The following CRYGS variants were observed in gnomAD, a reference collection of about 807,000 sequenced individuals.
CRYGS encodes the protein crystallin gamma S, also known as gamma-crystallin S.
Under a neutral mutation model 21.3 loss-of-function variants are expected in CRYGS, and 13 were observed. The observed-to-expected ratio is 0.61, with a 90% CI of 0.40 to 0.97. The LOEUF is 0.97. Ranked by LOEUF, CRYGS falls within the 50% of genes least tolerant of loss-of-function variation. CRYGS has a pLI of 0.00. For synonymous variants in CRYGS, 67 were observed against 75.0 expected (o/e 0.89, Z 0.55); for missense variants, 205 against 229.7 (o/e 0.89, Z 0.69).
Position 186,538,518 on chromosome 3 carries a change from G to C in CRYGS, c.*178C>G. 1.4e-6 allele frequency: 1 copy of C among 708,776 alleles called. No individual in the cohort carries two copies. Among genetic ancestry groups the C allele is most frequent in the South Asian group, 1.8e-5 (1 of 56,098 alleles). 43.9% of individuals were successfully genotyped at this position (708,776 alleles called of 1,614,324 possible). A position where few individuals can be genotyped will look rare whatever the true frequency, so the allele number is the denominator to read the frequency against. ...AGATTGGTGATCTGGCAGATGGGTA[G>C]CTTTGTGTGACTGCCCACTGTGGCG... On this transcript the variant is annotated 3_prime_UTR_variant, in exon 3 of 3. Coordinates refer to ENST00000307944, the MANE Select transcript of CRYGS (RefSeq NM_017541.4).
At chr3:186,541,389 A>T (rs1312051605) in intron 1 of CRYGS, among the ~76,000 whole-genome samples, 1 of 151,998 alleles carries the variant, frequency 6.6e-6, no homozygotes, top group Non-Finnish European at 1.5e-5. Context: ...CCCCTGCCCA[A>T]ATTTCTTTAT....
At chr3:186,539,846 T>C (rs1714017968) in intron 1 of CRYGS, 4 of 461,894 alleles carry the variant, frequency 8.7e-6, no homozygotes, top group Non-Finnish European at 1.6e-5. Flanking sequence ...AAGTGAGCAG[T>C]CTCAGACTCA....
In CRYGS at chr3:186,539,612, C is replaced by T; in HGVS notation, c.22-15G>A. 1 of 1,613,978 alleles carries T rather than the reference C, an allele frequency of 6.2e-7. No individual in the cohort carries two copies. Among genetic ancestry groups the T allele is most frequent in the South Asian group, 1.1e-5 (1 of 91,040 alleles). On this transcript the variant is annotated splice_polypyrimidine_tract_variant and intron_variant, in intron 1 of 2. Coordinates refer to ENST00000307944, the MANE Select transcript of CRYGS (RefSeq NM_017541.4). ...TAGAAAGTAATCTGAAGTAGAGGGCCAACAGAGAAAGAGCTGAGGAGCTGG... is the reference window on the plus strand; with the variant it reads ...TAGAAAGTAATCTGAAGTAGAGGGCTAACAGAGAAAGAGCTGAGGAGCTGG...
chr3:186,540,966 C>T (rs1714051190), intron 1 of CRYGS, among the ~76,000 whole-genome samples: 1 of 152,154 alleles, frequency 6.6e-6, no homozygotes. Context: ...AGAAAAATGA[C>T]ACCAGAATCA....
In CRYGS at chr3:186,538,536, C is replaced by A; in HGVS notation, c.*160G>T. On this transcript the variant is annotated 3_prime_UTR_variant, in exon 3 of 3. Transcript: ENST00000307944. ...ATGGGTAGCTTTGTGTGACTGCCCACTGTGGCGAGCACTGTATTGCTGGTC... is the reference window on the plus strand; with the variant it reads ...ATGGGTAGCTTTGTGTGACTGCCCAATGTGGCGAGCACTGTATTGCTGGTC... 2 of 845,686 alleles carry A rather than the reference C, an allele frequency of 2.4e-6. No homozygotes were observed. The highest frequency in any genetic ancestry group is 3.7e-6 in the Non-Finnish European group (2 of 538,996). 52.4% of individuals were successfully genotyped at this position (845,686 alleles called of 1,614,324 possible). A position where few individuals can be genotyped will look rare whatever the true frequency, so the allele number is the denominator to read the frequency against.
At position 186,539,551 on chromosome 3, in the gene CRYGS, C is replaced by T. The variant is rs1455435198; in HGVS notation, c.68G>A (p.Cys23Tyr). ...GTGGAAATCTGCACAGTCGCAATCA[C>T]AGTCATAGCGACGGCCTTGAAAATT... is the stretch of plus-strand genomic sequence containing the variant. Reference protein sequence around the residue: ...DKNFQGRRYDCDCDCADFHTY... With the variant: ...DKNFQGRRYDYDCDCADFHTY... The change falls in exon 2 of 3, where the codon TGT (cysteine) becomes TAT (tyrosine). Residue 23 changes from cysteine (C) to tyrosine (Y), a missense_variant. Transcript: ENST00000307944. The T allele has an allele frequency of 2.5e-6, 4 of 1,614,012 alleles. No individual in the cohort carries two copies. In the African/African-American group the frequency reaches 5.3e-5, roughly 22 times the overall value.
At chr3:186,542,625 CAA>C (rs1211420676) in intron 1 of CRYGS, among the ~76,000 whole-genome samples, 1 of 152,052 alleles carries the variant, frequency 6.6e-6, no homozygotes. Context: ...AAACTGCTAT[CAA>C]GATAGTGGGA....
At chr3:186,542,957 A>C (rs1714103405) in intron 1 of CRYGS, among the ~76,000 whole-genome samples, 1 of 152,188 alleles carries the variant, frequency 6.6e-6, no homozygotes, top group East Asian at 1.9e-4. Flanking sequence ...CATGATTATT[A>C]GTTCTATTTT....
In CRYGS at chr3:186,538,512, T is replaced by C. The variant is rs1321403316; in HGVS notation, c.*184A>G. ...AGATCTAGATTGGTGATCTGGCAGA[T>C]GGGTAGCTTTGTGTGACTGCCCACT... On this transcript the variant is annotated 3_prime_UTR_variant, in exon 3 of 3. Transcript: ENST00000307944. 2 of 670,426 alleles carry C rather than the reference T, an allele frequency of 3.0e-6. No individual in the cohort carries two copies. Among genetic ancestry groups the C allele is most frequent in the Non-Finnish European group, 5.1e-6 (2 of 393,758 alleles). The allele number at this position is 670,426 out of a possible 1,614,324, so 41.5% of individuals were successfully genotyped here. A position where few individuals can be genotyped will look rare whatever the true frequency, so the allele number is the denominator to read the frequency against.
Position 186,538,806 on chromosome 3 carries a change from G to T in CRYGS, c.427C>A (p.Pro143Thr). The T allele has an allele frequency of 6.2e-7, 1 of 1,614,106 alleles. No homozygotes were observed. Among genetic ancestry groups the T allele is most frequent in the Non-Finnish European group, 8.5e-7 (1 of 1,180,010 alleles). The change falls in exon 3 of 3, where the codon CCC (proline) becomes ACC (threonine). Residue 143 changes from proline to threonine, a missense_variant. Pro to Thr is a conservative substitution (Grantham distance 38). Coordinates refer to ENST00000307944, the MANE Select transcript of CRYGS (RefSeq NM_017541.4). ...AGGTACTGCCTGCCACGGTAGTTGG[G>T]TAGCTCATAGAAAATCCAGACACCC... is the stretch of plus-strand genomic sequence containing the variant. ...LEGVWIFYEL[P>T]NYRGRQYLLD...
At chr3:186,541,952 G>C (rs1309556125) in intron 1 of CRYGS, among the ~76,000 whole-genome samples, 1 of 152,152 alleles carries the variant, frequency 6.6e-6, no homozygotes, top group African/African-American at 2.4e-5. Flanking sequence ...CTCTAAGAAT[G>C]GATAGATTCT....
intron 2 of CRYGS, 66 bp from the exon 3 acceptor site, chr3:186,539,034 GAGAACAGTATTGCTC>G (rs1453012062): frequency 6.4e-7 from 1 of 1,567,808 alleles, no homozygotes; most frequent in African/African-American, 1.4e-5. Flanking sequence ...CAAGAACTTA[GAGAACAGTATTGCTC>G]AGAACTTATC....
chr3:186,539,734 C>T lies in CRYGS; in HGVS notation c.22-137G>A, dbSNP rs947649823. The T allele has an allele frequency of 3.2e-5, 31 of 983,472 alleles. No homozygotes were observed. In the African/African-American group the frequency reaches 4.8e-4, roughly 15 times the overall value. The allele number at this position is 983,472 out of a possible 1,614,324, so 60.9% of individuals were successfully genotyped here. A position where few individuals can be genotyped will look rare whatever the true frequency, so the allele number is the denominator to read the frequency against. On this transcript the variant is annotated intron_variant, in intron 1 of 2. Transcript: ENST00000307944. ...GGAAAAATATGTAGCTGTACGTCAC[C>T]TTACAACATTGCTTTCTGACAGACA... is the stretch of plus-strand genomic sequence containing the variant.
rs769507700 is a variant in CRYGS, at chr3:186,538,713, G to A, written c.520C>T (p.Arg174Cys). ...GAASPAVQSF[R>C]RIVE The stretch of plus-strand genomic sequence containing the variant: ...TCATGTCATTACTCCACAATGCGGC[G>A]GAAAGACTGGACAGCTGGGGAGGCT... Residue 174 changes from arginine to cysteine, a missense_variant, in exon 3 of 3, where the codon CGC becomes TGC. Transcript: ENST00000307944. 2.0e-5 allele frequency: 33 copies of A among 1,614,050 alleles called. No individual in the cohort carries two copies. The highest frequency in any genetic ancestry group is 1.6e-4 in the East Asian group (7 of 44,904).
chr3:186,540,970 A>G (rs1309693675), intron 1 of CRYGS, among the ~76,000 whole-genome samples: 4 of 152,220 alleles, frequency 2.6e-5, no homozygotes, highest in Non-Finnish European at 1.5e-5. Flanking sequence ...AAATGACACC[A>G]GAATCATGCT....
Position 186,539,544 on chromosome 3 carries a change from G to T in CRYGS, c.75C>A (p.Cys25Ter). The T allele has an allele frequency of 6.2e-6, 10 of 1,614,044 alleles. No homozygotes were observed. Among genetic ancestry groups the T allele is most frequent in the South Asian group, 1.1e-5 (1 of 91,076 alleles). The change falls in exon 2 of 3, where the codon TGC becomes TGA. Residue 25 changes from cysteine (C) to a stop codon, truncating the protein, a stop_gained. Coordinates refer to ENST00000307944, the MANE Select transcript of CRYGS (RefSeq NM_017541.4). LOFTEE classifies it high-confidence loss of function. ...GGTATGTGTGGAAATCTGCACAGTC[G>T]CAATCACAGTCATAGCGACGGCCTT... ...NFQGRRYDCD[C>*]DCADFHTYLS...
intron 1 of CRYGS, among the ~76,000 whole-genome samples, chr3:186,543,472 T>C (rs1296697539): frequency 6.6e-6 from 1 of 152,142 alleles, no homozygotes; most frequent in Admixed American, 6.5e-5. Flanking sequence ...GGCAAAAGTA[T>C]AATAAAATCT....
rs929424495 is a variant in CRYGS at position 186,538,880 on chromosome 3, A to T, written c.353T>A (p.Ile118Asn). The stretch of plus-strand genomic sequence containing the variant: ...CTCTCGCATGTGAAATTGCTCCATG[A>T]TGGAAGGGCAATCTTCGGTGGTTTC... ...MYETTEDCPS[I>N]MEQFHMREIH... Residue 118 changes from isoleucine to asparagine, a missense_variant, in exon 3 of 3, where the codon ATC (isoleucine) becomes AAC (asparagine). Transcript: ENST00000307944. The T allele has an allele frequency of 5.6e-6, 9 of 1,614,156 alleles. No individual in the cohort carries two copies. In the East Asian group the frequency reaches 2.0e-4, roughly 36 times the overall value.
intron 1 of CRYGS, chr3:186,540,604 G>A (rs1245650922): frequency 6.2e-6 from 1 of 161,348 alleles, no homozygotes; most frequent in Non-Finnish European, 1.3e-5. Context: ...TTTTTTTTAA[G>A]ATGGAATTTC....
Sources: allele counts gnomAD v4.1 joint callset (sites outside exome capture counted in the v4.1 genomes callset), GRCh38; gene constraint gnomAD v4.1.1; transcripts MANE v1.5; gene names NCBI Gene and HGNC (gene_info 2026-07-23, HGNC 2026-07-21).